The following PHF8 variants were observed in gnomAD, a reference collection of about 807,000 sequenced individuals.
PHF8 encodes histone lysine demethylase PHF8.
Under a neutral mutation model 74.4 loss-of-function variants are expected in PHF8, and 9 were observed. The ratio of observed to expected loss-of-function variants is 0.12; its 90% confidence interval spans 0.07 to 0.21. PHF8 has a LOEUF of 0.21. Ranked by LOEUF, PHF8 falls within the 10% of genes least tolerant of loss-of-function variation. The probability of loss-of-function intolerance (pLI) is 1.00; values close to 1 mark genes in which losing one functional copy is unlikely to be tolerated. For synonymous variants in PHF8, 311 were observed against 316.6 expected (o/e 0.98, Z 0.19); for missense variants, 478 against 816.6 (o/e 0.59, Z 5.05).
chrX:53,948,178 G>A (rs782015849), intron 19 of PHF8, among the ~76,000 whole-genome samples: 3 of 112,459 alleles, frequency 2.7e-5, no homozygotes, highest in Non-Finnish European at 5.6e-5. Context: ...TGTGTAAACA[G>A]TTGGGGAAAT....
chrX:54,035,696 T>C (rs1423567835), intron 2 of PHF8, among the ~76,000 whole-genome samples: 3 of 111,130 alleles, frequency 2.7e-5, no homozygotes, highest in East Asian at 2.8e-4. Flanking sequence ...TCAGCTATTG[T>C]AGAGGCTGAA....
At chrX:53,983,649 T>A (rs2065513333) in intron 18 of PHF8, among the ~76,000 whole-genome samples, 1 of 111,761 alleles carries the variant, frequency 8.9e-6, no homozygotes, top group African/African-American at 3.3e-5. Context: ...CCTAGAAAAA[T>A]ATTAACTGGC....
At chrX:53,966,404 G>A (rs1191852584) in intron 18 of PHF8, among the ~76,000 whole-genome samples, 3 of 112,716 alleles carry the variant, frequency 2.7e-5, no homozygotes, top group Admixed American at 9.3e-5. Flanking sequence ...ACTGGTTTTC[G>A]TATTTTTTTG....
In PHF8 at chrX:53,938,313, CCAGCCACAGCCA is replaced by C. The variant is rs1292436008; in HGVS notation, c.*833_*844del. ...GAGATGGTTTTCCACCTGCCAGGGC[CCAGCCACAGCCA>C]CAGCCACAGCCACGTGGATAATGTT... On this transcript the variant is annotated 3_prime_UTR_variant, in exon 22 of 22. Coordinates refer to ENST00000338154, the MANE Select transcript of PHF8 (RefSeq NM_015107.3). 1.1e-5 allele frequency: 11 copies of C among 1,007,823 alleles called. 1 individual carries two copies. The Middle Eastern group carries it at 1.2e-3, about 109-fold the overall frequency. 83.1% of individuals were successfully genotyped at this position (1,007,823 alleles called of 1,213,427 possible).
intron 19 of PHF8, among the ~76,000 whole-genome samples, chrX:53,955,002 C>T (rs1176582127): frequency 9.0e-6 from 1 of 111,104 alleles, no homozygotes; most frequent in Non-Finnish European, 1.9e-5. Flanking sequence ...TTCTTCATGT[C>T]GGTTCCACAC....
In PHF8 at chrX:54,040,606, G is replaced by A. The variant is rs377649254; in HGVS notation, c.98+2025C>T. Among the ~76,000 whole-genome samples the A allele has an allele frequency of 1.4e-4, 16 of 111,771 alleles. No homozygotes were observed. The East Asian group carries it at 1.7e-3, about 12-fold the overall frequency. ...AGAGGGCATTAGTGGGAGTTTGCACGTACAAAGACAAAAAGGCATAAAGGA... is the reference window on the plus strand; with the variant it reads ...AGAGGGCATTAGTGGGAGTTTGCACATACAAAGACAAAAAGGCATAAAGGA... On this transcript the variant is annotated intron_variant, in intron 2 of 21. Transcript: ENST00000338154.
rs782248222 is a variant in PHF8 at position 54,015,137 on chromosome X, T to C, written c.597-574A>G. Among the ~76,000 whole-genome samples the C allele has an allele frequency of 1.1e-4, 10 of 88,294 alleles. No homozygotes were observed. The South Asian group carries it at 5.7e-3, about 50-fold the overall frequency. The allele number at this position is 88,294 out of a possible 115,157, so 76.7% of individuals were successfully genotyped here. A position where few individuals can be genotyped will look rare whatever the true frequency, so the allele number is the denominator to read the frequency against. On this transcript the variant is annotated intron_variant, in intron 6 of 21. Coordinates refer to ENST00000338154, the MANE Select transcript of PHF8 (RefSeq NM_015107.3). ...ACATGCATTCTATTTCCCAATCTTA[T>C]TTCACTTTTGTTCTAGTTTTCTCTC...
intron 19 of PHF8, among the ~76,000 whole-genome samples, chrX:53,961,090 C>T (rs1466040023): frequency 1.8e-5 from 2 of 108,172 alleles, no homozygotes; most frequent in African/African-American, 6.8e-5. Flanking sequence ...GGCATGGTCT[C>T]GGCTCAGTGC....
At chrX:54,032,746 C>A (rs1432604001) in intron 2 of PHF8, among the ~76,000 whole-genome samples, 1 of 107,182 alleles carries the variant, frequency 9.3e-6, no homozygotes, top group African/African-American at 3.4e-5. Flanking sequence ...TGGCACATAG[C>A]ACATATCTGA....
At chrX:54,006,893 G>A (rs1194582827) in intron 8 of PHF8, among the ~76,000 whole-genome samples, 1 of 99,525 alleles carries the variant, frequency 1.0e-5, no homozygotes, top group Non-Finnish European at 2.0e-5. Flanking sequence ...AGCTGAGACC[G>A]CAACCATTGC....
intron 14 of PHF8, among the ~76,000 whole-genome samples, chrX:53,991,154 G>A (rs2065653590): frequency 9.0e-6 from 1 of 111,241 alleles, no homozygotes; most frequent in African/African-American, 3.3e-5. Flanking sequence ...TTTAAACCTC[G>A]GACTGCCTGA....
intron 19 of PHF8, among the ~76,000 whole-genome samples, chrX:53,949,042 A>G (rs2064877219): frequency 9.1e-6 from 1 of 110,045 alleles, no homozygotes; most frequent in African/African-American, 3.3e-5. Flanking sequence ...TAAATAAAAT[A>G]AAAATAAAAT....
chrX:54,022,008 C>T (rs2066186321), intron 4 of PHF8, among the ~76,000 whole-genome samples: 1 of 111,858 alleles, frequency 8.9e-6, no homozygotes, highest in African/African-American at 3.3e-5. Context: ...ATTAAACTTT[C>T]TGATCCTAAG....
Position 53,982,143 on chromosome X carries a change from CT to C in PHF8, c.2443+2770del, listed in dbSNP as rs782605818. ...GTTAAATCAAGTCCAGACATCTTAG[CT>C]GCAGGTCAATGTGATTTGACTGCTC... On this transcript the variant is annotated intron_variant, in intron 18 of 21. Coordinates refer to ENST00000338154, the MANE Select transcript of PHF8 (RefSeq NM_015107.3). Among the ~76,000 whole-genome samples the C allele has an allele frequency of 2.7e-3, 306 of 112,408 alleles. 2 individuals are homozygous for C. The highest frequency in any genetic ancestry group is 9.6e-3 in the African/African-American group (299 of 31,002).
intron 2 of PHF8, among the ~76,000 whole-genome samples, chrX:54,026,919 A>G (rs1367659129): frequency 1.8e-5 from 2 of 111,249 alleles, no homozygotes; most frequent in Non-Finnish European, 3.8e-5. Flanking sequence ...CTACTTCTAC[A>G]CTTGATCTTA....
At chrX:53,992,375 C>A (rs1389349053) in intron 14 of PHF8, among the ~76,000 whole-genome samples, 1 of 112,030 alleles carries the variant, frequency 8.9e-6, no homozygotes, top group Non-Finnish European at 1.9e-5. Context: ...TTTCTGTAAA[C>A]TAAATTCCTA....
chrX:54,037,391 G>C (rs1030029914), intron 2 of PHF8, among the ~76,000 whole-genome samples: 2 of 111,344 alleles, frequency 1.8e-5, no homozygotes, highest in Non-Finnish European at 3.8e-5. Context: ...GGGACTATAA[G>C]CATGTGCCAC....
intron 18 of PHF8, among the ~76,000 whole-genome samples, chrX:53,967,466 C>A (rs1243622034): frequency 9.6e-6 from 1 of 103,663 alleles, no homozygotes; most frequent in Non-Finnish European, 2.0e-5. Flanking sequence ...TCTGCCCGGC[C>A]AGCCACCTCA....
At chrX:53,992,667 A>G (rs2065684583) in intron 14 of PHF8, 69 bp downstream of exon 14, 1 of 629,393 alleles carries the variant, frequency 1.6e-6, no homozygotes, top group Admixed American at 2.5e-5. Flanking sequence ...TTCCAATTCC[A>G]TGCCCTGTCT....
Sources: gnomAD v4.1 joint callset for allele counts (sites outside exome capture counted in the v4.1 genomes callset) on GRCh38, gnomAD v4.1.1 for gene constraint, MANE v1.5 for transcripts, NCBI Gene and HGNC (gene_info 2026-07-23, HGNC 2026-07-21) for gene names.